The following AKT3 variants were observed in gnomAD, a reference collection of about 807,000 sequenced individuals.
AKT3 encodes RAC-gamma serine/threonine-protein kinase.
AKT3 carries 15 observed loss-of-function variants against 65.3 expected under a neutral mutation model. The observed-to-expected ratio is 0.23, with a 90% CI of 0.15 to 0.35. The LOEUF is 0.35. AKT3 is among the 10% of genes least tolerant of loss of function. The pLI is 1.00. For missense variants in AKT3, 243 were observed against 576.5 expected (o/e 0.42, Z 5.92); for synonymous variants, 206 against 183.8 (o/e 1.12, Z -0.98).
intron 6 of AKT3, 133 bp downstream of exon 6, chr1:243,637,478 T>C: frequency 1.8e-6 from 1 of 568,598 alleles, no homozygotes; most frequent in Non-Finnish European, 2.8e-6. Context: ...CAAAAATTAC[T>C]GTAGCAGTAG....
chr1:243,658,203 G>C (rs1023007113), intron 4 of AKT3, among the ~76,000 whole-genome samples: 1 of 152,132 alleles, frequency 6.6e-6, no homozygotes, highest in Admixed American at 6.6e-5. Context: ...CCATATGTCT[G>C]ATAAGGGCTT....
intron 2 of AKT3, among the ~76,000 whole-genome samples, chr1:243,800,133 G>A (rs371600062): frequency 9.9e-5 from 15 of 152,224 alleles, no homozygotes; most frequent in Non-Finnish European, 1.9e-4. Context: ...TACCAGAAAA[G>A]CACACTGTTT....
intron 10 of AKT3, among the ~76,000 whole-genome samples, chr1:243,557,047 A>G (rs1255113549): frequency 6.6e-6 from 1 of 152,152 alleles, no homozygotes; most frequent in Non-Finnish European, 1.5e-5. Flanking sequence ...TAGCACACAC[A>G]AATACTTGTA....
At chr1:243,709,470 A>C (rs956780884) in intron 2 of AKT3, among the ~76,000 whole-genome samples, 1 of 151,896 alleles carries the variant, frequency 6.6e-6, no homozygotes, top group Non-Finnish European at 1.5e-5. Flanking sequence ...TATAATTCAA[A>C]GTATAGTAGT....
chr1:243,650,190 T>G (rs1681197343), intron 4 of AKT3, among the ~76,000 whole-genome samples: 1 of 152,270 alleles, frequency 6.6e-6, no homozygotes, highest in South Asian at 2.1e-4. Flanking sequence ...TTCATACATT[T>G]GTTGGCTGCA....
intron 3 of AKT3, among the ~76,000 whole-genome samples, chr1:243,683,847 A>C (rs1282783986): frequency 6.6e-6 from 1 of 152,200 alleles, no homozygotes; most frequent in Admixed American, 6.5e-5. Flanking sequence ...TCTAGGAAGC[A>C]AAGTACCTTT....
At chr1:243,658,736 T>C (rs1014182195) in intron 4 of AKT3, among the ~76,000 whole-genome samples, 7 of 151,954 alleles carry the variant, frequency 4.6e-5, no homozygotes, top group African/African-American at 1.7e-4. Flanking sequence ...CATCAGCAGA[T>C]GAATGAATAA....
At chr1:243,839,577 G>A (rs1316114233) in intron 2 of AKT3, among the ~76,000 whole-genome samples, 1 of 152,046 alleles carries the variant, frequency 6.6e-6, no homozygotes, top group Non-Finnish European at 1.5e-5. Flanking sequence ...GTAAAAAATA[G>A]GATATCACTA....
chr1:243,746,958 C>T (rs763880236), intron 2 of AKT3, among the ~76,000 whole-genome samples: 2 of 152,120 alleles, frequency 1.3e-5, no homozygotes, highest in Non-Finnish European at 2.9e-5. Context: ...AGTTTAACAA[C>T]AATCATCAAA....
At chr1:243,699,468 T>C (rs1225505637) in intron 2 of AKT3, among the ~76,000 whole-genome samples, 3 of 2,684 alleles carry the variant, frequency 1.1e-3, no homozygotes, top group South Asian at 0.015. Context: ...TCTTCCACTA[T>C]ATATATATAT....
intron 6 of AKT3, among the ~76,000 whole-genome samples, chr1:243,620,591 G>A (rs1203010915): frequency 2.0e-5 from 3 of 151,540 alleles, no homozygotes; most frequent in Non-Finnish European, 4.4e-5. Flanking sequence ...TCTAACTTTT[G>A]TTTCTTGAAA....
intron 3 of AKT3, among the ~76,000 whole-genome samples, chr1:243,689,482 A>ATTTT (rs11354558): frequency 7.8e-6 from 1 of 128,388 alleles, no homozygotes; most frequent in Non-Finnish European, 1.6e-5. Context: ...TTATTCAAAG[A>ATTTT]TTTTTTTTTT....
At chr1:243,746,521 C>T (rs1263631600) in intron 2 of AKT3, among the ~76,000 whole-genome samples, 1 of 152,138 alleles carries the variant, frequency 6.6e-6, no homozygotes, top group African/African-American at 2.4e-5. Context: ...TTACCACTTG[C>T]TTGGGTTATT....
rs1315047176 is a variant in AKT3 at position 243,536,289 on chromosome 1, C to T, written c.1251+9221G>A. 2.0e-5 allele frequency among the ~76,000 whole-genome samples: 3 copies of T among 152,060 alleles called. No homozygotes were observed. In the South Asian group the frequency reaches 6.2e-4, roughly 31 times the overall value. ...TTTGCTTTTGGGGACTTAAGTCACA[C>T]ATTCTTTGCCTAGGTCAATCTCCGG... On this transcript the variant is annotated intron_variant, in intron 12 of 13. Transcript: ENST00000673466.
At chr1:243,644,908 G>T (rs1680690591) in intron 5 of AKT3, among the ~76,000 whole-genome samples, 2 of 152,144 alleles carry the variant, frequency 1.3e-5, no homozygotes. Context: ...AGAAAAGAGG[G>T]ATTCAGTTCA....
chr1:243,665,476 C>T (rs751010899), intron 3 of AKT3, among the ~76,000 whole-genome samples: 1 of 152,122 alleles, frequency 6.6e-6, no homozygotes, highest in East Asian at 1.9e-4. Context: ...GTATCCACTG[C>T]CCCAAGAGCC....
intron 8 of AKT3, among the ~76,000 whole-genome samples, chr1:243,602,220 A>G (rs1465351614): frequency 6.6e-6 from 1 of 152,218 alleles, no homozygotes; most frequent in Non-Finnish European, 1.5e-5. Context: ...ATGTCTTTGA[A>G]TTATGAAATT....
At chr1:243,553,033 A>T (rs972729759) in intron 10 of AKT3, 90 bp from the exon 11 acceptor site, 1 of 1,071,810 alleles carries the variant, frequency 9.3e-7, no homozygotes, top group African/African-American at 1.6e-5. Flanking sequence ...ATAAAAATGA[A>T]TCTTAACTTT....
At chr1:243,642,118 T>C (rs1335784313) in intron 5 of AKT3, among the ~76,000 whole-genome samples, 1 of 152,078 alleles carries the variant, frequency 6.6e-6, no homozygotes, top group Non-Finnish European at 1.5e-5. Flanking sequence ...TGTGATAAAA[T>C]CAGAAACAGA....
Sources: gnomAD v4.1 joint callset for allele counts (sites outside exome capture counted in the v4.1 genomes callset) on GRCh38, gnomAD v4.1.1 for gene constraint, MANE v1.5 for transcripts, NCBI Gene and HGNC (gene_info 2026-07-23, HGNC 2026-07-21) for gene names.